Variants in RBFOX3 observed in about 807,000 individuals in gnomAD.
RBFOX3 encodes the protein RNA binding fox-1 homolog 3.
A neutral mutation model predicts 48.7 loss-of-function variants in RBFOX3; 17 were observed. The ratio of observed to expected loss-of-function variants is 0.35; its 90% CI spans 0.24 to 0.52. The LOEUF is 0.52. Ranked by LOEUF, RBFOX3 falls within the 20% of genes least tolerant of loss-of-function variation. The pLI is 0.94. For synonymous variants in RBFOX3, 212 were observed against 209.5 expected, an observed-to-expected ratio of 1.01 and a Z score of -0.10; for missense variants, 382 against 497.5, an observed-to-expected ratio of 0.77 and a Z score of 2.21.
At chr17:79,378,131 G>T (rs377053817) in intron 2 of RBFOX3, among the ~76,000 whole-genome samples, 123 of 152,272 alleles carry the variant, frequency 8.1e-4, no homozygotes, top group Middle Eastern at 3.4e-3. Context: ...CATCTCATAG[G>T]GGGGGCGCAT....
At chr17:79,410,101 G>A (rs2064084353) in intron 2 of RBFOX3, among the ~76,000 whole-genome samples, 1 of 152,228 alleles carries the variant, frequency 6.6e-6, no homozygotes, top group Non-Finnish European at 1.5e-5. Context: ...TGCACACCTG[G>A]ACAGTGAACA....
At chr17:79,318,788 A>G (rs111513343) in intron 2 of RBFOX3, among the ~76,000 whole-genome samples, 13,879 of 143,082 alleles carry the variant, frequency 0.097, 701 homozygotes, top group African/African-American at 0.15. Context: ...CCGGGAGGCA[A>G]AGTTTGCAGT....
intron 2 of RBFOX3, among the ~76,000 whole-genome samples, chr17:79,322,128 A>G (rs939228305): frequency 1.1e-4 from 16 of 152,204 alleles, no homozygotes; most frequent in Non-Finnish European, 1.8e-4. Context: ...GGCCAGGAAA[A>G]AAGAGATGGG....
At chr17:79,256,380 C>A (rs138697057) in intron 3 of RBFOX3, among the ~76,000 whole-genome samples, 1 of 152,200 alleles carries the variant, frequency 6.6e-6, no homozygotes, top group Non-Finnish European at 1.5e-5. Context: ...TGCCGGCCAC[C>A]GGCTCCGGGA....
At chr17:79,374,234 G>T (rs1476234018) in intron 2 of RBFOX3, among the ~76,000 whole-genome samples, 1 of 152,182 alleles carries the variant, frequency 6.6e-6, no homozygotes, top group African/African-American at 2.4e-5. Flanking sequence ...GAGAGGAGGG[G>T]CTGACGAGGA....
chr17:79,360,402 C>T (rs540280071), intron 2 of RBFOX3, among the ~76,000 whole-genome samples: 20 of 152,294 alleles, frequency 1.3e-4, no homozygotes, highest in African/African-American at 4.6e-4. Context: ...CAACAGGTGC[C>T]ACTGGAAGCT....
intron 2 of RBFOX3, among the ~76,000 whole-genome samples, chr17:79,409,818 C>T (rs1174569653): frequency 6.6e-6 from 1 of 152,186 alleles, no homozygotes; most frequent in Admixed American, 6.5e-5. Context: ...GGCAGGGGGC[C>T]AGCTCTAGGG....
chr17:79,612,534 C>T (rs1291115026), upstream of RBFOX3, among the ~76,000 whole-genome samples: 2 of 152,128 alleles, frequency 1.3e-5, no homozygotes, highest in Admixed American at 6.5e-5. Context: ...CACTTATGAG[C>T]GTCATGCTTT....
chr17:79,279,510 G>A (rs2069739255), intron 3 of RBFOX3, among the ~76,000 whole-genome samples: 1 of 152,174 alleles, frequency 6.6e-6, no homozygotes, highest in African/African-American at 2.4e-5. Flanking sequence ...GGCGGGTTGT[G>A]GGCACGTGGC....
intron 2 of RBFOX3, among the ~76,000 whole-genome samples, chr17:79,326,891 C>T (rs1056136522): frequency 6.6e-6 from 1 of 152,276 alleles, no homozygotes; most frequent in African/African-American, 2.4e-5. Flanking sequence ...CCACAGCCCA[C>T]TGAGGTGGGC....
At chr17:79,331,889 G>C (rs928752765) in intron 2 of RBFOX3, among the ~76,000 whole-genome samples, 3 of 152,220 alleles carry the variant, frequency 2.0e-5, no homozygotes, top group Non-Finnish European at 4.4e-5. Flanking sequence ...CGACCACCCA[G>C]TGTGAAGCCC....
chr17:79,654,970 T>C, the RBFOX3 span, among the ~76,000 whole-genome samples: 1 of 152,102 alleles, frequency 6.6e-6, no homozygotes, highest in African/African-American at 2.4e-5. Context: ...AACTGTACAG[T>C]CTGAATGGGA....
At chr17:79,380,235 C>T (rs527298965) in intron 2 of RBFOX3, among the ~76,000 whole-genome samples, 4 of 152,190 alleles carry the variant, frequency 2.6e-5, no homozygotes, top group South Asian at 2.1e-4. Context: ...CTCCAGCACA[C>T]GGGGCAGATC....
chr17:79,496,835 G>A (rs1457741786), intron 1 of RBFOX3, among the ~76,000 whole-genome samples: 7 of 152,304 alleles, frequency 4.6e-5, no homozygotes, highest in African/African-American at 1.7e-4. Context: ...CCGAAAGCCT[G>A]CCTGCCTCCC....
At chr17:79,478,316 G>T (rs1484602281) in intron 2 of RBFOX3, among the ~76,000 whole-genome samples, 1 of 152,202 alleles carries the variant, frequency 6.6e-6, no homozygotes, top group East Asian at 1.9e-4. Context: ...TGGGGGCCGG[G>T]GTGGATGGAT....
At chr17:79,567,615 T>C (rs1443933327) in intron 1 of RBFOX3, among the ~76,000 whole-genome samples, 2 of 152,246 alleles carry the variant, frequency 1.3e-5, no homozygotes, top group Non-Finnish European at 2.9e-5. Context: ...AAATATTGCT[T>C]TGTATCCCAT....
At chr17:79,274,801 G>A (rs1431436349) in intron 3 of RBFOX3, among the ~76,000 whole-genome samples, 3 of 151,994 alleles carry the variant, frequency 2.0e-5, no homozygotes. Flanking sequence ...CTTGGCTCCT[G>A]CCCATCCTCC....
intron 2 of RBFOX3, among the ~76,000 whole-genome samples, chr17:79,475,655 C>A (rs2077625663): frequency 6.6e-6 from 1 of 152,204 alleles, no homozygotes; most frequent in Non-Finnish European, 1.5e-5. Context: ...CACACAGGTG[C>A]ACACACATGC....
intron 2 of RBFOX3, among the ~76,000 whole-genome samples, chr17:79,405,687 C>T (rs914515478): frequency 1.9e-4 from 29 of 152,332 alleles, no homozygotes; most frequent in Non-Finnish European, 3.8e-4. Context: ...TACCGCTGCT[C>T]TCCAGCCTGG....
Sources: gnomAD v4.1 joint callset for allele counts (sites outside exome capture counted in the v4.1 genomes callset) on GRCh38, gnomAD v4.1.1 for gene constraint, MANE v1.5 for transcripts, NCBI Gene and HGNC (gene_info 2026-07-23, HGNC 2026-07-21) for gene names.